NFATC2: variants seen among roughly 807,000 people sequenced by gnomAD.
NFATC2 encodes the protein nuclear factor of activated T cells 2, also known as nuclear factor of activated T-cells, cytoplasmic 2.
A neutral mutation model predicts 87.3 loss-of-function variants in NFATC2; 22 were observed. That is an observed-to-expected ratio of 0.25 (90% CI 0.18 to 0.36). The LOEUF is 0.36. Among genes scored for constraint, NFATC2 ranks in the 10% least tolerant of loss-of-function variants. The pLI is 1.00. For synonymous variants in NFATC2, 565 were observed against 542.2 expected, an observed-to-expected ratio of 1.04 and a Z score of -0.58; for missense variants, 1,149 against 1,259.1, an observed-to-expected ratio of 0.91 and a Z score of 1.32.
At chr20:51,482,127 C>G (rs1352151493) in intron 3 of NFATC2, among the ~76,000 whole-genome samples, 1 of 151,928 alleles carries the variant, frequency 6.6e-6, no homozygotes, top group Admixed American at 6.6e-5. Flanking sequence ...CACCCCCAGC[C>G]CCCCAAGTCT....
chr20:51,561,432 A>AAAGAAAGG (rs1384795077), intron 1 of NFATC2, among the ~76,000 whole-genome samples: 856 of 58,362 alleles, frequency 0.015, 14 homozygotes, highest in Middle Eastern at 0.017. Context: ...GAGAGAAAGA[A>AAAGAAAGG]AAGAAAGAAA....
intron 6 of NFATC2, among the ~76,000 whole-genome samples, chr20:51,440,236 C>CAAAAA (rs34071345): frequency 0.017 from 1,642 of 97,100 alleles, 43 homozygotes; most frequent in Non-Finnish European, 0.023. Context: ...AACTCCATCT[C>CAAAAA]AAAAAAAAAA....
chr20:51,405,149 G>GCATCAGACGCCAGCCAAGCAA (rs1988435322), intron 9 of NFATC2, among the ~76,000 whole-genome samples: 1 of 152,178 alleles, frequency 6.6e-6, no homozygotes, highest in Non-Finnish European at 1.5e-5. Context: ...GAAGAGAAAT[G>GCATCAGACGCCAGCCAAGCAA]CATCAGACGC....
At chr20:51,452,797 A>C (rs1415366553) in intron 6 of NFATC2, 2 of 153,374 alleles carry the variant, frequency 1.3e-5, no homozygotes, top group East Asian at 3.9e-4. Flanking sequence ...CTTACCGAGC[A>C]CTTCCGGTGC....
At chr20:51,400,641 CAG>C (rs1784829929) in intron 9 of NFATC2, among the ~76,000 whole-genome samples, 1 of 152,174 alleles carries the variant, frequency 6.6e-6, no homozygotes, top group Non-Finnish European at 1.5e-5. Flanking sequence ...TTGTGGAAGA[CAG>C]AGGCAGGGCC....
chr20:51,467,889 TA>T (rs1369837979), intron 5 of NFATC2, among the ~76,000 whole-genome samples: 1 of 152,210 alleles, frequency 6.6e-6, no homozygotes, highest in East Asian at 1.9e-4. Context: ...GCCTTATCCA[TA>T]AACCTAAGCC....
intron 3 of NFATC2, among the ~76,000 whole-genome samples, chr20:51,513,952 T>C (rs1463949224): frequency 6.6e-6 from 1 of 152,230 alleles, no homozygotes; most frequent in Admixed American, 6.5e-5. Flanking sequence ...GTGCTGCAAA[T>C]AGAGCTTGCG....
chr20:51,500,219 T>C (rs1055490482), intron 3 of NFATC2, among the ~76,000 whole-genome samples: 1 of 152,078 alleles, frequency 6.6e-6, no homozygotes, highest in East Asian at 1.9e-4. Flanking sequence ...CTCAGTAAAA[T>C]GATACATGAA....
chr20:51,531,763 T>C (rs1329510346), intron 1 of NFATC2, among the ~76,000 whole-genome samples: 3 of 152,252 alleles, frequency 2.0e-5, no homozygotes, highest in Non-Finnish European at 2.9e-5. Flanking sequence ...TGGATTATTA[T>C]TGAAAGAACA....
At chr20:51,414,940 C>T (rs1320468562) in intron 9 of NFATC2, among the ~76,000 whole-genome samples, 1 of 151,856 alleles carries the variant, frequency 6.6e-6, no homozygotes, top group Admixed American at 6.6e-5. Flanking sequence ...GAAATCTGCC[C>T]CTTTCTTTTT....
intron 1 of NFATC2, among the ~76,000 whole-genome samples, chr20:51,529,082 C>T (rs1316174359): frequency 1.3e-5 from 2 of 152,140 alleles, no homozygotes; most frequent in Non-Finnish European, 2.9e-5. Context: ...GAATGTCAAA[C>T]CCATGGCCGA....
At chr20:51,441,963 T>C (rs1191851890) in intron 6 of NFATC2, among the ~76,000 whole-genome samples, 2 of 152,198 alleles carry the variant, frequency 1.3e-5, no homozygotes, top group Non-Finnish European at 2.9e-5. Flanking sequence ...TTTCATTGCA[T>C]TGAATTCCTC....
At chr20:51,530,317 C>A (rs139199436) in intron 1 of NFATC2, among the ~76,000 whole-genome samples, 135 of 152,246 alleles carry the variant, frequency 8.9e-4, no homozygotes, top group African/African-American at 3.2e-3. Flanking sequence ...CAGGTGACCA[C>A]TACCATGCCC....
chr20:51,435,790 G>A lies in NFATC2; in HGVS notation c.1850-29C>T, dbSNP rs1384812652. ...GAAAAATTCAAAAATGACAGACTTT[G>A]AAGGAACTATTAGAAACCAAAGATT... On this transcript the variant is annotated intron_variant, in intron 6 of 10. Coordinates refer to ENST00000371564, the MANE Select transcript of NFATC2 (RefSeq NM_012340.5). 3.2e-6 allele frequency: 5 copies of A among 1,569,796 alleles called. No homozygotes were observed. The African/African-American group carries it at 5.4e-5, about 17-fold the overall frequency.
chr20:51,435,027 C>T (rs1021611208), intron 8 of NFATC2, among the ~76,000 whole-genome samples, 161 bp downstream of exon 8: 18 of 152,116 alleles, frequency 1.2e-4, no homozygotes, highest in Non-Finnish European at 2.2e-4. Flanking sequence ...TTTCCGGAAC[C>T]CTTATAAGGA....
At chr20:51,505,357 G>A (rs1291971304) in intron 3 of NFATC2, among the ~76,000 whole-genome samples, 4 of 151,698 alleles carry the variant, frequency 2.6e-5, no homozygotes, top group African/African-American at 9.7e-5. Flanking sequence ...ACACATTAAA[G>A]AGCTAAAAAT....
chr20:51,519,372 T>C (rs923492418), intron 2 of NFATC2, among the ~76,000 whole-genome samples: 10 of 150,256 alleles, frequency 6.7e-5, no homozygotes, highest in Non-Finnish European at 1.3e-4. Flanking sequence ...CCAGCACTTA[T>C]GGGAGGCTGA....
chr20:51,418,983 G>T (rs911931984), intron 9 of NFATC2, among the ~76,000 whole-genome samples: 1 of 149,388 alleles, frequency 6.7e-6, no homozygotes, highest in South Asian at 2.1e-4. Context: ...TTTATAGTAC[G>T]TATTTACCAC....
chr20:51,556,059 C>T (rs891790054), intron 1 of NFATC2, among the ~76,000 whole-genome samples: 15 of 152,134 alleles, frequency 9.9e-5, no homozygotes, highest in Admixed American at 2.0e-4. Context: ...GAGGAATCAA[C>T]GCACATGCAC....
Sources: allele counts gnomAD v4.1 joint callset (sites outside exome capture counted in the v4.1 genomes callset), GRCh38; gene constraint gnomAD v4.1.1; transcripts MANE v1.5; gene names NCBI Gene and HGNC (gene_info 2026-07-23, HGNC 2026-07-21).